The following THAP1 variants were observed in gnomAD, a reference collection of about 807,000 sequenced individuals.
THAP1 encodes THAP domain-containing protein 1.
Under a neutral mutation model 18.2 loss-of-function variants are expected in THAP1, and 6 were observed. That is an observed-to-expected ratio of 0.33 (90% CI 0.18 to 0.65). The LOEUF (loss-of-function observed/expected upper bound fraction) is 0.65. Ranked by LOEUF, THAP1 falls within the 30% of genes least tolerant of loss-of-function variation. THAP1 has a pLI of 0.74. For synonymous variants in THAP1, 85 were observed against 90.5 expected (o/e 0.94, Z 0.34); for missense variants, 176 against 253.0 (o/e 0.70, Z 2.06).
In THAP1 at chr8:42,843,059, G is replaced by A. The variant is rs1327871725; in HGVS notation, c.36C>T (p.Asn12=). ...VQSCSAYGCK[N]RYDKDKPVSF... ...AAACGGGCTTGTCCTTGTCGTAGCG[G>A]TTCTTGCAGCCGTAGGCGGAGCAGG... The change falls in exon 1 of 3, where the codon AAC becomes AAT. Residue 12 remains asparagine, a synonymous_variant. Transcript: ENST00000254250. The A allele has an allele frequency of 4.3e-6, 7 of 1,613,898 alleles. No homozygotes were observed. Among genetic ancestry groups the A allele is most frequent in the Non-Finnish European group, 5.9e-6 (7 of 1,179,932 alleles).
chr8:42,838,504 T>C (rs1038964604), intron 2 of THAP1, among the ~76,000 whole-genome samples, 168 bp from the exon 3 acceptor site: 3 of 152,082 alleles, frequency 2.0e-5, no homozygotes, highest in African/African-American at 4.8e-5. Flanking sequence ...CTGGCCAACA[T>C]GGTGAAACCC....
chr8:42,838,829 C>T (rs369461161), intron 2 of THAP1, among the ~76,000 whole-genome samples: 14 of 152,070 alleles, frequency 9.2e-5, no homozygotes, highest in South Asian at 6.2e-4. Flanking sequence ...AGTAGAGGGA[C>T]GGTGCAGGAA....
rs1255077806 is a variant in THAP1, at chr8:42,843,196, C to T, written c.-102G>A. On this transcript the variant is annotated 5_prime_UTR_variant, in exon 1 of 3. Transcript: ENST00000254250. ...TTGGATTCCCTCGCTTCTTTTGTAG[C>T]TTTGGCCAACAGTTACAGTGATGGT... 4.8e-6 allele frequency: 7 copies of T among 1,450,578 alleles called. No individual in the cohort carries two copies. Among genetic ancestry groups the T allele is most frequent in the Non-Finnish European group, 6.7e-6 (7 of 1,037,372 alleles). The allele number at this position is 1,450,578 out of a possible 1,614,324, so 89.9% of individuals were successfully genotyped here.
intron 1 of THAP1, 48 bp from the exon 2 acceptor site, chr8:42,839,429 A>T: frequency 6.2e-7 from 1 of 1,602,428 alleles, no homozygotes; most frequent in Non-Finnish European, 8.5e-7. Context: ...TTTTAAATAA[A>T]TAAAGGCACC....
intron 1 of THAP1, 107 bp downstream of exon 1, chr8:42,842,917 C>T (rs1235880906): frequency 1.1e-6 from 1 of 937,936 alleles, no homozygotes; most frequent in Non-Finnish European, 1.4e-6. Context: ...GCCCCAGACC[C>T]CACCCGCCCC....
rs745551712 is a variant in THAP1 at position 42,843,108 on chromosome 8, A to C, written c.-14T>G. 6.2e-7 allele frequency: 1 copy of C among 1,613,242 alleles called. No homozygotes were observed. Among genetic ancestry groups the C allele is most frequent in the Non-Finnish European group, 8.5e-7 (1 of 1,179,604 alleles). ...GGACTGCACCATCCTTCCGGTCCTC[A>C]GGCACTTCACTTCTGCCGCCGCAGA... On this transcript the variant is annotated 5_prime_UTR_variant, in exon 1 of 3. Coordinates refer to ENST00000254250, the MANE Select transcript of THAP1 (RefSeq NM_018105.3).
Position 42,837,890 on chromosome 8 carries a change from T to C in THAP1, c.*72A>G. On this transcript the variant is annotated 3_prime_UTR_variant, in exon 3 of 3. Transcript: ENST00000254250. Reference sequence around the variant, plus strand: ...AGTAATCAAATGTTATTTTTTTAAATGAAACTCCTTTACAGGCTAGAGGAG... The same window carrying C: ...AGTAATCAAATGTTATTTTTTTAAACGAAACTCCTTTACAGGCTAGAGGAG... 1 of 1,517,734 alleles carries C rather than the reference T, an allele frequency of 6.6e-7. No individual in the cohort carries two copies. Among genetic ancestry groups the C allele is most frequent in the Non-Finnish European group, 8.8e-7 (1 of 1,130,096 alleles). The allele number at this position is 1,517,734 out of a possible 1,614,324, so 94.0% of individuals were successfully genotyped here. A position where few individuals can be genotyped will look rare whatever the true frequency, so the allele number is the denominator to read the frequency against.
intron 1 of THAP1, among the ~76,000 whole-genome samples, chr8:42,841,353 G>A (rs1802714410): frequency 7.1e-6 from 1 of 140,816 alleles, no homozygotes; most frequent in Non-Finnish European, 1.5e-5. Context: ...CCAAGCTGGA[G>A]TGCAGGGCAA....
intron 1 of THAP1, among the ~76,000 whole-genome samples, chr8:42,840,664 T>C (rs1802699509): frequency 1.3e-5 from 2 of 152,110 alleles, no homozygotes; most frequent in Admixed American, 6.5e-5. Context: ...GAAGTGGTAC[T>C]CCTAGAAAAT....
At chr8:42,842,359 T>G (rs569272780) in intron 1 of THAP1, 1 of 152,358 alleles carries the variant, frequency 6.6e-6, no homozygotes, top group East Asian at 1.9e-4. Flanking sequence ...TCGAAAGAGC[T>G]TTCTCTATGC....
At position 42,843,154 on chromosome 8, in the gene THAP1, A is replaced by G. The variant is rs1255370222; in HGVS notation, c.-60T>C. 3 of 1,597,570 alleles carry G rather than the reference A, an allele frequency of 1.9e-6. No individual in the cohort carries two copies. The African/African-American group carries it at 4.0e-5, about 21-fold the overall frequency. ...GCAGAAGGCAGGGGAAGCTGTTCTC[A>G]GTGTCGCTGCGCTCGGTTGGATTCC... On this transcript the variant is annotated 5_prime_UTR_variant, in exon 1 of 3. Coordinates refer to ENST00000254250, the MANE Select transcript of THAP1 (RefSeq NM_018105.3).
Position 42,837,881 on chromosome 8 carries a change from T to C in THAP1, c.*81A>G. On this transcript the variant is annotated 3_prime_UTR_variant, in exon 3 of 3. Transcript: ENST00000254250. Reference sequence around the variant, plus strand: ...TTTTATATAAGTAATCAAATGTTATTTTTTTAAATGAAACTCCTTTACAGG... The same window carrying C: ...TTTTATATAAGTAATCAAATGTTATCTTTTTAAATGAAACTCCTTTACAGG... 6.7e-7 allele frequency: 1 copy of C among 1,494,100 alleles called. No individual in the cohort carries two copies. Among genetic ancestry groups the C allele is most frequent in the Non-Finnish European group, 9.0e-7 (1 of 1,111,072 alleles). 92.6% of individuals were successfully genotyped at this position (1,494,100 alleles called of 1,614,324 possible). A position where few individuals can be genotyped will look rare whatever the true frequency, so the allele number is the denominator to read the frequency against.
At chr8:42,840,965 CAAAA>C (rs1029278824) in intron 1 of THAP1, among the ~76,000 whole-genome samples, 6 of 47,060 alleles carry the variant, frequency 1.3e-4, no homozygotes, top group African/African-American at 3.7e-4. Context: ...GACTCCATCT[CAAAA>C]AAAAAAAAAA....
chr8:42,839,813 C>A (rs916450644), intron 1 of THAP1, among the ~76,000 whole-genome samples: 1 of 152,088 alleles, frequency 6.6e-6, no homozygotes, highest in Admixed American at 6.6e-5. Context: ...CCAAAGTGCT[C>A]GAATTACATG....
intron 1 of THAP1, among the ~76,000 whole-genome samples, chr8:42,839,933 A>G (rs1802685649): frequency 6.6e-6 from 1 of 152,234 alleles, no homozygotes; most frequent in South Asian, 2.1e-4. Context: ...CCCACGGCTC[A>G]TGCCTGTAAT....
chr8:42,842,550 T>A (rs1802739077), intron 1 of THAP1: 2 of 152,322 alleles, frequency 1.3e-5, no homozygotes, highest in East Asian at 1.9e-4. Flanking sequence ...GGGGCAAAAA[T>A]TCTCCCTGAT....
rs756473499 is a variant in THAP1, at chr8:42,839,209, G to A, written c.244C>T (p.Leu82Phe). The change falls in exon 2 of 3, where the codon CTT (leucine) becomes TTT (phenylalanine). Residue 82 changes from leucine to phenylalanine, a missense_variant. Leu to Phe is a conservative substitution (Grantham distance 22, BLOSUM62 0). Coordinates refer to ENST00000254250, the MANE Select transcript of THAP1 (RefSeq NM_018105.3). ...ACCTTGTCATGTGGCTCAGTACAAAGAAATATTGTGGGCACAGCATTCTCT... is the reference window on the plus strand; with the variant it reads ...ACCTTGTCATGTGGCTCAGTACAAAAAAATATTGTGGGCACAGCATTCTCT... ...LKENAVPTIF[L>F]CTEPHDKKED... 6.2e-7 allele frequency: 1 copy of A among 1,613,912 alleles called. No homozygotes were observed. The highest frequency in any genetic ancestry group is 1.7e-5 in the Admixed American group (1 of 60,010).
chr8:42,836,864 A>G lies in THAP1; in HGVS notation c.*1098T>C, dbSNP rs535976324. The G allele has an allele frequency of 6.6e-6, 1 of 152,310 alleles. No individual in the cohort carries two copies. Among genetic ancestry groups the G allele is most frequent in the Non-Finnish European group, 1.5e-5 (1 of 68,046 alleles). The allele number at this position is 152,310 out of a possible 1,614,324, so 9.4% of individuals were successfully genotyped here. On this transcript the variant is annotated 3_prime_UTR_variant, in exon 3 of 3. Coordinates refer to ENST00000254250, the MANE Select transcript of THAP1 (RefSeq NM_018105.3). Reference sequence around the variant, plus strand: ...TTCCAATATATGTAAAATTTCTCACAAAGAACAGAACTCACAGTTTGAACA... The same window carrying G: ...TTCCAATATATGTAAAATTTCTCACGAAGAACAGAACTCACAGTTTGAACA...
intron 1 of THAP1, among the ~76,000 whole-genome samples, chr8:42,841,793 A>G (rs945330951): frequency 6.6e-6 from 1 of 152,142 alleles, no homozygotes; most frequent in African/African-American, 2.4e-5. Context: ...AAATCAAGAG[A>G]TAATATTAGG....
Sources: gnomAD v4.1 joint callset for allele counts (sites outside exome capture counted in the v4.1 genomes callset) on GRCh38, gnomAD v4.1.1 for gene constraint, MANE v1.5 for transcripts, NCBI Gene and HGNC (gene_info 2026-07-23, HGNC 2026-07-21) for gene names.